The following MYO19 variants were observed in gnomAD, a reference collection of about 807,000 sequenced individuals.
The protein encoded by MYO19 is myosin XIX, also known as unconventional myosin-XIX.
A neutral mutation model predicts 129.2 loss-of-function variants in MYO19; 132 were observed. That is an observed-to-expected ratio of 1.02 (90% CI 0.89 to 1.18). The LOEUF (loss-of-function observed/expected upper bound fraction) is 1.18. Ranked by LOEUF, MYO19 falls within the 50% of genes most tolerant of loss-of-function variation. MYO19 has a pLI of 0.00. For synonymous variants in MYO19, 531 were observed against 477.2 expected (o/e 1.11, Z -1.47); for missense variants, 1,210 against 1,216.7 (o/e 0.99, Z 0.08).
chr17:36,510,896 G>T lies in MYO19; in HGVS notation c.1007C>A (p.Ser336Ter). The T allele has an allele frequency of 6.3e-7, 1 of 1,579,914 alleles. No homozygotes were observed. The highest frequency in any genetic ancestry group is 8.6e-7 in the Non-Finnish European group (1 of 1,162,598). Residue 336 changes from serine (S) to a stop codon, truncating the protein, a stop_gained, in exon 13 of 26, where the codon TCG (serine) becomes TAG (stop). Coordinates refer to ENST00000614623, the MANE Select transcript of MYO19 (RefSeq NM_001163735.2). LOFTEE classifies it high-confidence loss of function. The part of the protein sequence containing the change: ...DAKYSVRTAA[S>*]LLGLPEDVLL... ...CACGTCCTCTGGGAGCCCCAGCAGC[G>T]AGGCTGCCGTCCTGACAGAGTCTGG...
chr17:36,528,631 G>C (rs1396291993), intron 3 of MYO19, among the ~76,000 whole-genome samples: 2 of 152,170 alleles, frequency 1.3e-5, no homozygotes, highest in Non-Finnish European at 2.9e-5. Context: ...AGTCTGGTTG[G>C]GTTCAAATTT....
rs1335603121 is a variant in MYO19 at position 36,525,269 on chromosome 17, T to C, written c.373A>G (p.Asn125Asp). 2.5e-6 allele frequency: 4 copies of C among 1,613,958 alleles called. No homozygotes were observed. Among genetic ancestry groups the C allele is most frequent in the Middle Eastern group, 1.6e-4 (1 of 6,062 alleles). The change falls in exon 6 of 26, where the codon AAC becomes GAC. Residue 125 changes from asparagine (N) to aspartate (D), a missense_variant. Asn to Asp is a conservative substitution (Grantham distance 23). Coordinates refer to ENST00000614623, the MANE Select transcript of MYO19 (RefSeq NM_001163735.2). The stretch of plus-strand genomic sequence containing the variant: ...TCTCCACTGACAACAATAGACTGGT[T>C]GACTGGTTCAATCAGGCTCTTGACA... ...RNVKSLIEPV[N>D]QSIVVSGESG...
At chr17:36,536,740 C>T (rs1232560191), upstream of MYO19, among the ~76,000 whole-genome samples, 1 of 152,152 alleles carries the variant, frequency 6.6e-6, no homozygotes, top group Non-Finnish European at 1.5e-5. Context: ...GTCTCGAACT[C>T]CTGACCTCAG....
chr17:36,543,483 C>T (rs922207112), upstream of MYO19: 16 of 152,218 alleles, frequency 1.1e-4, no homozygotes, highest in African/African-American at 3.6e-4. Context: ...CGGGTAATGA[C>T]ACCTTCGGGA....
In MYO19 at chr17:36,511,420, C is replaced by T; in HGVS notation, c.930G>A (p.Gln310=). Reference sequence around the variant, plus strand: ...GGGCTTCATCCTCGGAGGCAGCAAACTGGATATTGCCAAGGTGCAGCAGTC... The same window carrying T: ...GGGCTTCATCCTCGGAGGCAGCAAATTGGATATTGCCAAGGTGCAGCAGTC... ...LAGLLHLGNI[Q]FAASEDEAQP... The change falls in exon 12 of 26, where the codon CAG becomes CAA. Residue 310 remains glutamine (Q), a synonymous_variant. Transcript: ENST00000614623. 1 of 1,570,852 alleles carries T rather than the reference C, an allele frequency of 6.4e-7. No homozygotes were observed. Among genetic ancestry groups the T allele is most frequent in the Non-Finnish European group, 8.6e-7 (1 of 1,158,260 alleles).
rs1200653664 is a variant in MYO19, at chr17:36,507,488, C to A, written c.1378G>T (p.Glu460Ter). Residue 460 changes from glutamate to a stop codon, truncating the protein, a stop_gained, in exon 16 of 26, where the codon GAG (glutamate) becomes TAG (stop). Transcript: ENST00000614623. LOFTEE classifies it high-confidence loss of function. ...QQEEYAVEGL[E>*]WSFINYQDNQ... Reference sequence around the variant, plus strand: ...TCCTGGTAGTTGATGAATGACCACTCCAGGCCCTCAACTGCGTATTCCTCC... The same window carrying A: ...TCCTGGTAGTTGATGAATGACCACTACAGGCCCTCAACTGCGTATTCCTCC... The A allele has an allele frequency of 6.2e-7, 1 of 1,613,718 alleles. No homozygotes were observed. Among genetic ancestry groups the A allele is most frequent in the South Asian group, 1.1e-5 (1 of 91,076 alleles).
intron 20 of MYO19, among the ~76,000 whole-genome samples, chr17:36,503,579 C>A (rs2071681207): frequency 6.6e-6 from 1 of 152,180 alleles, no homozygotes; most frequent in South Asian, 2.1e-4. Flanking sequence ...CCTCTCTGAC[C>A]CCACAGTCTC....
At chr17:36,537,532 T>G (rs754061279), upstream of MYO19, 9 of 1,614,086 alleles carry the variant, frequency 5.6e-6, no homozygotes, top group Non-Finnish European at 7.6e-6. Context: ...GCTATTGCTA[T>G]TTTGGCTGTG....
upstream of MYO19, chr17:36,537,159 C>T (rs1439603716): frequency 6.2e-7 from 1 of 1,613,516 alleles, no homozygotes; most frequent in East Asian, 2.2e-5. Flanking sequence ...AACCACCGTG[C>T]TGGAAATCAC....
In MYO19 at chr17:36,507,505, T is replaced by C. The variant is rs573899533; in HGVS notation, c.1361A>G (p.Tyr454Cys). The C allele has an allele frequency of 1.4e-5, 22 of 1,613,408 alleles. No homozygotes were observed. In the Admixed American group the frequency reaches 2.7e-4, roughly 20 times the overall value. ...TGACCACTCCAGGCCCTCAACTGCG[T>C]ATTCCTCCTAAAGAACAAGGTGGGA... is the stretch of plus-strand genomic sequence containing the variant. ...AHYLRAQQEE[Y>C]AVEGLEWSFI... is the part of the protein sequence containing the mutation. Residue 454 changes from tyrosine to cysteine, a missense_variant, in exon 16 of 26, where the codon TAC (tyrosine) becomes TGC (cysteine). Tyr to Cys is a radical substitution (Grantham distance 194, BLOSUM62 -2). Coordinates refer to ENST00000614623, the MANE Select transcript of MYO19 (RefSeq NM_001163735.2).
At chr17:36,522,027 TTA>T (rs1567777176) in intron 6 of MYO19, among the ~76,000 whole-genome samples, 2 of 46,180 alleles carry the variant, frequency 4.3e-5, no homozygotes, top group Admixed American at 2.3e-4. Flanking sequence ...AAGACTGTCT[TTA>T]AAAAAAAAAA....
At chr17:36,497,884 C>T in intron 25 of MYO19, 1 of 208,280 alleles carries the variant, frequency 4.8e-6, no homozygotes, top group Non-Finnish European at 9.6e-6. Context: ...CGCTCCAGGC[C>T]CTAAGCTAAA....
chr17:36,501,475 G>GC, intron 21 of MYO19: 1 of 435,354 alleles, frequency 2.3e-6, no homozygotes, highest in Non-Finnish European at 4.1e-6. Flanking sequence ...GTGTCCTGGG[G>GC]TGTCCCACAG....
intron 8 of MYO19, 85 bp downstream of exon 8, chr17:36,515,028 G>A (rs1322427389): frequency 1.6e-6 from 2 of 1,282,958 alleles, no homozygotes; most frequent in Non-Finnish European, 2.2e-6. Flanking sequence ...TGCCCATAGG[G>A]GTGGCCCAGG....
Position 36,503,939 on chromosome 17 carries a change from A to C in MYO19, c.1976+11T>G, listed in dbSNP as rs1194332044. On this transcript the variant is annotated intron_variant, in intron 20 of 25. Coordinates refer to ENST00000614623, the MANE Select transcript of MYO19 (RefSeq NM_001163735.2). ...CTGGCCCTGCACTGTGCCGTGATCG[A>C]GCCCACTCACCGGATGGGGAAGCCA... 9 of 1,584,036 alleles carry C rather than the reference A, an allele frequency of 5.7e-6. 1 individual carries two copies. The East Asian group carries it at 2.1e-4, about 36-fold the overall frequency.
At chr17:36,509,408 G>A (rs2142004476) in intron 13 of MYO19, 4 of 529,514 alleles carry the variant, frequency 7.6e-6, no homozygotes, top group East Asian at 3.2e-5. Flanking sequence ...CTCCTAGGCT[G>A]GGGAGGGAAT....
chr17:36,544,313 T>G (rs1438826689), upstream of MYO19, among the ~76,000 whole-genome samples: 1 of 152,204 alleles, frequency 6.6e-6, no homozygotes, highest in Non-Finnish European at 1.5e-5. Flanking sequence ...GGGATCGGGA[T>G]GCAGCTACGC....
chr17:36,501,311 C>T lies in MYO19; in HGVS notation c.2081-76G>A. 8 of 1,474,590 alleles carry T rather than the reference C, an allele frequency of 5.4e-6. No individual in the cohort carries two copies. The South Asian group carries it at 9.0e-5, about 17-fold the overall frequency. 91.3% of individuals were successfully genotyped at this position (1,474,590 alleles called of 1,614,324 possible). On this transcript the variant is annotated intron_variant, in intron 21 of 25. Coordinates refer to ENST00000614623, the MANE Select transcript of MYO19 (RefSeq NM_001163735.2). ...TGTGGCCTGAAGAAACTGGCTTTGG[C>T]CTCCCTAGCACTCTACAGGTCTCTT...
chr17:36,503,356 G>A (rs2071664034), intron 20 of MYO19, among the ~76,000 whole-genome samples, 156 bp from the exon 21 acceptor site: 1 of 152,208 alleles, frequency 6.6e-6, no homozygotes, highest in Non-Finnish European at 1.5e-5. Flanking sequence ...ATGTGGTTTT[G>A]AAGCGATTTC....
Sources: gnomAD v4.1 joint callset for allele counts (sites outside exome capture counted in the v4.1 genomes callset) on GRCh38, gnomAD v4.1.1 for gene constraint, MANE v1.5 for transcripts, NCBI Gene and HGNC (gene_info 2026-07-23, HGNC 2026-07-21) for gene names.